Variants in RNF157 observed in about 807,000 individuals in gnomAD.
RNF157 encodes ring finger protein 157.
A neutral mutation model predicts 88.3 loss-of-function variants in RNF157; 55 were observed. The observed-to-expected ratio is 0.62, with a 90% confidence interval of 0.50 to 0.78. The LOEUF (loss-of-function observed/expected upper bound fraction) is 0.78. RNF157 is among the 30% of genes least tolerant of loss of function. RNF157 has a pLI of 0.00. For missense variants in RNF157, 788 were observed against 860.8 expected (o/e 0.92, Z 1.06); for synonymous variants, 334 against 341.2 (o/e 0.98, Z 0.23).
chr17:76,162,440 C>G, intron 9 of RNF157, 112 bp downstream of exon 9: 2 of 765,798 alleles, frequency 2.6e-6, no homozygotes, highest in Non-Finnish European at 4.5e-6. Context: ...AAATACCCTT[C>G]TAAGACCTAA....
At position 76,145,724 on chromosome 17, in the gene RNF157, G is replaced by A. The variant is rs1267426675; in HGVS notation, c.1922-371C>T. On this transcript the variant is annotated intron_variant, in intron 18 of 18. Coordinates refer to ENST00000269391, the MANE Select transcript of RNF157 (RefSeq NM_052916.3). ...CAGGAAAAGGAAATTGGGCCTTGCTGAGCTATTTTCATTGGGGCAGGAAGA... is the reference window on the plus strand; with the variant it reads ...CAGGAAAAGGAAATTGGGCCTTGCTAAGCTATTTTCATTGGGGCAGGAAGA... Among the ~76,000 whole-genome samples, 3 of 152,200 alleles carry A rather than the reference G, an allele frequency of 2.0e-5. No individual in the cohort carries two copies. The East Asian group carries it at 5.8e-4, about 29-fold the overall frequency.
At chr17:76,236,143 G>A (rs998235819) in intron 1 of RNF157, among the ~76,000 whole-genome samples, 1 of 152,198 alleles carries the variant, frequency 6.6e-6, no homozygotes, top group Non-Finnish European at 1.5e-5. Context: ...AACCAAGCTA[G>A]CTGGTCAGGA....
At chr17:76,237,958 C>T (rs1266830581) in intron 1 of RNF157, among the ~76,000 whole-genome samples, 1 of 151,964 alleles carries the variant, frequency 6.6e-6, no homozygotes, top group African/African-American at 2.4e-5. Context: ...GTGGCAAACA[C>T]CTGTAATCCC....
In RNF157 at chr17:76,142,897, G is replaced by A. The variant is rs187754959; in HGVS notation, c.*2338C>T. 2.6e-5 allele frequency: 4 copies of A among 152,324 alleles called. No individual in the cohort carries two copies. Among genetic ancestry groups the A allele is most frequent in the Non-Finnish European group, 4.4e-5 (3 of 68,086 alleles). The allele number at this position is 152,324 out of a possible 1,614,324, so 9.4% of individuals were successfully genotyped here. A position where few individuals can be genotyped will look rare whatever the true frequency, so the allele number is the denominator to read the frequency against. ...CCTAGTGCAGCAGGAAGGAGCCCTGGGTCTCCATAGTTAGGCTGTGCCCTG... is the reference window on the plus strand; with the variant it reads ...CCTAGTGCAGCAGGAAGGAGCCCTGAGTCTCCATAGTTAGGCTGTGCCCTG... On this transcript the variant is annotated 3_prime_UTR_variant, in exon 19 of 19. Transcript: ENST00000269391.
At chr17:76,145,385 C>T (rs1312350174) in intron 18 of RNF157, 32 bp from the exon 19 acceptor site, 11 of 1,566,100 alleles carry the variant, frequency 7.0e-6, no homozygotes, top group Non-Finnish European at 8.8e-6. Context: ...TTACAGGAGC[C>T]AGACCTTTGG....
At chr17:76,159,634 C>A in intron 11 of RNF157, 61 bp from the exon 12 acceptor site, 1 of 1,192,156 alleles carries the variant, frequency 8.4e-7, no homozygotes, top group South Asian at 1.3e-5. Context: ...ATGACGTGAT[C>A]ATGCTACTTC....
At chr17:76,207,822 A>G (rs1328290829) in intron 2 of RNF157, among the ~76,000 whole-genome samples, 2 of 152,224 alleles carry the variant, frequency 1.3e-5, no homozygotes, top group Non-Finnish European at 1.5e-5. Context: ...CATGTTGTGC[A>G]GTAATGGCAA....
intron 1 of RNF157, among the ~76,000 whole-genome samples, chr17:76,229,389 T>G (rs909777694): frequency 2.0e-5 from 3 of 152,212 alleles, no homozygotes; most frequent in Non-Finnish European, 4.4e-5. Flanking sequence ...TTGGTTTATT[T>G]GTAAAATAGA....
chr17:76,215,871 C>T (rs35783403), intron 1 of RNF157, among the ~76,000 whole-genome samples: 3,889 of 152,270 alleles, frequency 0.026, 60 homozygotes, highest in Middle Eastern at 0.071. Context: ...TACAGTGATA[C>T]AACAGCAGAA....
chr17:76,231,085 C>T (rs1598449043), intron 1 of RNF157, among the ~76,000 whole-genome samples: 1 of 151,856 alleles, frequency 6.6e-6, no homozygotes, highest in Admixed American at 6.6e-5. Context: ...ACTACCTCTG[C>T]CTCCTGGGTT....
intron 9 of RNF157, 88 bp downstream of exon 9, chr17:76,162,464 T>C: frequency 2.2e-6 from 2 of 905,298 alleles, no homozygotes; most frequent in Non-Finnish European, 3.6e-6. Flanking sequence ...ATTTCAGAGT[T>C]TGGCACGCTA....
chr17:76,201,258 G>A (rs1464425895), intron 2 of RNF157, among the ~76,000 whole-genome samples: 8 of 150,790 alleles, frequency 5.3e-5, no homozygotes, highest in Non-Finnish European at 1.5e-5. Context: ...GGCTGAGGCA[G>A]GAGGATTGTT....
At chr17:76,182,744 G>A (rs1316990514) in intron 2 of RNF157, among the ~76,000 whole-genome samples, 11 of 115,068 alleles carry the variant, frequency 9.6e-5, no homozygotes, top group Non-Finnish European at 1.5e-4. Flanking sequence ...TTTGCTATTA[G>A]ATTCAGGCCT....
At chr17:76,192,003 A>G (rs1382345634) in intron 2 of RNF157, among the ~76,000 whole-genome samples, 1 of 152,244 alleles carries the variant, frequency 6.6e-6, no homozygotes, top group Non-Finnish European at 1.5e-5. Context: ...GCCACTATGC[A>G]TCTCTTTAAA....
chr17:76,150,858 G>A (rs1026374064), intron 18 of RNF157, among the ~76,000 whole-genome samples: 1 of 152,380 alleles, frequency 6.6e-6, no homozygotes, highest in Admixed American at 6.5e-5. Flanking sequence ...TGCCCAGCAA[G>A]CTTGGACGGG....
At chr17:76,149,657 G>A (rs546887472) in intron 18 of RNF157, among the ~76,000 whole-genome samples, 1 of 152,274 alleles carries the variant, frequency 6.6e-6, no homozygotes, top group South Asian at 2.1e-4. Context: ...CTAGAGAGAC[G>A]TGCTTTTCCC....
At chr17:76,187,182 C>T (rs933358572) in intron 2 of RNF157, among the ~76,000 whole-genome samples, 11 of 150,892 alleles carry the variant, frequency 7.3e-5, no homozygotes, top group African/African-American at 1.2e-4. Flanking sequence ...TTCTTTTTTT[C>T]TTCTTCTTTT....
At chr17:76,233,142 G>C (rs1010964775) in intron 1 of RNF157, among the ~76,000 whole-genome samples, 4 of 152,032 alleles carry the variant, frequency 2.6e-5, no homozygotes, top group Admixed American at 1.3e-4. Flanking sequence ...GGATGGTCTC[G>C]ATCTCCTGAC....
intron 1 of RNF157, among the ~76,000 whole-genome samples, chr17:76,214,720 G>T (rs1218061398): frequency 6.6e-6 from 1 of 152,088 alleles, no homozygotes; most frequent in Non-Finnish European, 1.5e-5. Flanking sequence ...GGGCCCCTTT[G>T]CCCCTTCTTA....
Sources: allele counts gnomAD v4.1 joint callset (sites outside exome capture counted in the v4.1 genomes callset), GRCh38; gene constraint gnomAD v4.1.1; transcripts MANE v1.5; gene names NCBI Gene and HGNC (gene_info 2026-07-23, HGNC 2026-07-21).